Variants in GRID2 observed in about 807,000 individuals in gnomAD.
GRID2 encodes glutamate ionotropic receptor delta type subunit 2.
A neutral mutation model predicts 114.8 loss-of-function variants in GRID2; 33 were observed. That is an observed-to-expected ratio of 0.29 (90% CI 0.22 to 0.38). GRID2 has a LOEUF of 0.38. Ranked by LOEUF, GRID2 falls within the 10% of genes least tolerant of loss-of-function variation. The probability of loss-of-function intolerance (pLI) is 1.00; values close to 1 mark genes in which losing one functional copy is unlikely to be tolerated. For missense variants in GRID2, 1,184 were observed against 1,257.7 expected (o/e 0.94, Z 0.89); for synonymous variants, 505 against 449.9 (o/e 1.12, Z -1.55).
chr4:93,514,390 C>T lies in GRID2; in HGVS notation c.1998-826C>T, dbSNP rs185234572. 2.1e-5 allele frequency among the ~76,000 whole-genome samples: 3 copies of T among 143,752 alleles called. No homozygotes were observed. In the Admixed American group the frequency reaches 2.1e-4, roughly 10 times the overall value. The allele number at this position is 143,752 out of a possible 152,430, so 94.3% of individuals were successfully genotyped here. A position where few individuals can be genotyped will look rare whatever the true frequency, so the allele number is the denominator to read the frequency against. On this transcript the variant is annotated intron_variant, in intron 12 of 15. Transcript: ENST00000282020. ...CCAGAAACATGAAATGTATTCTCATCCAAATAGAAATCGCTCCCCCCACCT... is the reference window on the plus strand; with the variant it reads ...CCAGAAACATGAAATGTATTCTCATTCAAATAGAAATCGCTCCCCCCACCT...
At chr4:92,794,102 A>G (rs75240929) in intron 2 of GRID2, among the ~76,000 whole-genome samples, 3,476 of 151,930 alleles carry the variant, frequency 0.023, 100 homozygotes, top group East Asian at 0.12. Flanking sequence ...ATTATTGCAA[A>G]TAAGTGTAAA....
chr4:92,675,001 T>A (rs142807744), intron 2 of GRID2, among the ~76,000 whole-genome samples: 4 of 152,324 alleles, frequency 2.6e-5, no homozygotes, highest in Admixed American at 6.5e-5. Flanking sequence ...ATTTTCTTTA[T>A]AATTTATATC....
chr4:93,220,088 G>A (rs1744698360), intron 6 of GRID2, among the ~76,000 whole-genome samples: 1 of 151,824 alleles, frequency 6.6e-6, no homozygotes, highest in Non-Finnish European at 1.5e-5. Flanking sequence ...TTACTGAAAG[G>A]AAGGAAAAAA....
chr4:92,462,178 C>T (rs1430535972), intron 1 of GRID2, among the ~76,000 whole-genome samples: 1 of 152,048 alleles, frequency 6.6e-6, no homozygotes, highest in Non-Finnish European at 1.5e-5. Context: ...CAATAAATAG[C>T]ATTATACAAT....
At chr4:92,860,317 A>T (rs1007174443) in intron 2 of GRID2, among the ~76,000 whole-genome samples, 1 of 152,150 alleles carries the variant, frequency 6.6e-6, no homozygotes, top group African/African-American at 2.4e-5. Context: ...CATCAATTTT[A>T]CAAGGCTTTG....
At chr4:92,913,491 C>G (rs959918174) in intron 2 of GRID2, among the ~76,000 whole-genome samples, 1 of 151,858 alleles carries the variant, frequency 6.6e-6, no homozygotes, top group African/African-American at 2.4e-5. Context: ...TTTATCTGAA[C>G]TCCCTCTGTT....
chr4:92,573,838 C>T (rs965673955), intron 1 of GRID2, among the ~76,000 whole-genome samples: 2 of 151,792 alleles, frequency 1.3e-5, no homozygotes, highest in Non-Finnish European at 2.9e-5. Flanking sequence ...CAACTTGATC[C>T]AGAGCTGAGT....
chr4:93,010,104 T>C (rs1482389316), intron 2 of GRID2, among the ~76,000 whole-genome samples: 2 of 152,052 alleles, frequency 1.3e-5, no homozygotes, highest in African/African-American at 2.4e-5. Context: ...AGTGCCACTT[T>C]TGATATGCGT....
chr4:93,167,767 A>AT (rs147715373), intron 4 of GRID2, among the ~76,000 whole-genome samples: 3 of 151,906 alleles, frequency 2.0e-5, no homozygotes, highest in Admixed American at 6.6e-5. Context: ...TTAAGAAATC[A>AT]TTTTTTTTCT....
At chr4:92,545,438 TA>T (rs1394943321) in intron 1 of GRID2, among the ~76,000 whole-genome samples, 1 of 152,182 alleles carries the variant, frequency 6.6e-6, no homozygotes, top group Non-Finnish European at 1.5e-5. Flanking sequence ...CATAATGCTT[TA>T]AAATATACGT....
intron 2 of GRID2, among the ~76,000 whole-genome samples, chr4:92,785,191 T>C (rs17019899): frequency 0.026 from 3,901 of 151,216 alleles, 103 homozygotes; most frequent in East Asian, 0.12. Context: ...AAAATACAGA[T>C]TGAGATTGTT....
chr4:92,858,102 G>A (rs190735138), intron 2 of GRID2, among the ~76,000 whole-genome samples: 15 of 152,314 alleles, frequency 9.8e-5, no homozygotes, highest in Admixed American at 5.9e-4. Flanking sequence ...TCTGCTAATT[G>A]CCAATGCAAC....
At chr4:92,700,270 A>G (rs774872970) in intron 2 of GRID2, among the ~76,000 whole-genome samples, 3 of 152,132 alleles carry the variant, frequency 2.0e-5, no homozygotes, top group African/African-American at 4.8e-5. Context: ...AAGCAACCCA[A>G]TGTATGCATT....
chr4:92,319,486 T>TTTAGAATG (rs1726192822), intron 1 of GRID2, among the ~76,000 whole-genome samples: 1 of 152,218 alleles, frequency 6.6e-6, no homozygotes, highest in Non-Finnish European at 1.5e-5. Context: ...AAGAGGTTCT[T>TTTAGAATG]TTAGAATGTC....
chr4:92,722,416 C>T (rs188688308), intron 2 of GRID2, among the ~76,000 whole-genome samples: 1 of 152,152 alleles, frequency 6.6e-6, no homozygotes, highest in African/African-American at 2.4e-5. Flanking sequence ...ATAAAATGCC[C>T]TAGAATTTAT....
chr4:93,777,026 G>A (rs72875981), downstream of GRID2, among the ~76,000 whole-genome samples: 3,866 of 152,102 alleles, frequency 0.025, 161 homozygotes, highest in African/African-American at 0.087. Flanking sequence ...CTAAAACTCC[G>A]TGCTACCTTT....
In GRID2 at chr4:93,118,498, A is replaced by T. The variant is rs368670378; in HGVS notation, c.735+7545A>T. 3.8e-4 allele frequency among the ~76,000 whole-genome samples: 58 copies of T among 152,278 alleles called. 1 individual carries two copies. In the South Asian group the frequency reaches 0.012, roughly 32 times the overall value. On this transcript the variant is annotated intron_variant, in intron 4 of 15. Transcript: ENST00000282020. ...ATATGTAATATTTTGTTGAATTCCA[A>T]ATATATAGTTGAATAAATTAAAGGC...
At chr4:93,200,185 C>T (rs1399917140) in intron 4 of GRID2, among the ~76,000 whole-genome samples, 1 of 152,130 alleles carries the variant, frequency 6.6e-6, no homozygotes, top group African/African-American at 2.4e-5. Flanking sequence ...TTGGAGAGAA[C>T]ATTGTGGTTT....
chr4:93,132,858 G>A (rs1734930203), intron 4 of GRID2, among the ~76,000 whole-genome samples: 1 of 152,138 alleles, frequency 6.6e-6, no homozygotes, highest in Non-Finnish European at 1.5e-5. Context: ...CTCAACTGGT[G>A]CTCAACTTCC....
Sources: gnomAD v4.1 joint callset for allele counts (sites outside exome capture counted in the v4.1 genomes callset) on GRCh38, gnomAD v4.1.1 for gene constraint, MANE v1.5 for transcripts, NCBI Gene and HGNC (gene_info 2026-07-23, HGNC 2026-07-21) for gene names.